LRBA: variants seen among roughly 807,000 people sequenced by gnomAD.
LRBA encodes the protein LPS responsive beige-like anchor protein, also known as lipopolysaccharide-responsive and beige-like anchor protein.
Under a neutral mutation model 330.0 loss-of-function variants are expected in LRBA, and 176 were observed. That is an observed-to-expected ratio of 0.53 (90% CI 0.47 to 0.60). The LOEUF is 0.60. LRBA is among the 20% of genes least tolerant of loss of function. The probability of loss-of-function intolerance (pLI) is 0.00; values close to 1 mark genes in which losing one functional copy is unlikely to be tolerated. For synonymous variants in LRBA, 1,230 were observed against 1,193.0 expected (o/e 1.03, Z -0.64); for missense variants, 3,259 against 3,444.8 (o/e 0.95, Z 1.35).
intron 37 of LRBA, among the ~76,000 whole-genome samples, chr4:150,666,048 C>T (rs1345155091): frequency 6.6e-6 from 1 of 152,014 alleles, no homozygotes; most frequent in Non-Finnish European, 1.5e-5. Flanking sequence ...AGATCAATGA[C>T]TGCCTAGGGG....
At position 150,893,162 on chromosome 4, in the gene LRBA, T is replaced by G. The variant is rs762747844; in HGVS notation, c.2068-13A>C. On this transcript the variant is annotated splice_polypyrimidine_tract_variant and intron_variant, in intron 16 of 56. Transcript: ENST00000651943. ...TTAGATTGTCATCCTATAATCATTT[T>G]AGAAATTTTTTTTAAAAAATGAGGA... The G allele has an allele frequency of 2.6e-6, 4 of 1,536,484 alleles. No individual in the cohort carries two copies. The highest frequency in any genetic ancestry group is 3.5e-6 in the Non-Finnish European group (4 of 1,127,856).
intron 28 of LRBA, among the ~76,000 whole-genome samples, chr4:150,839,465 T>C (rs895619978): frequency 6.6e-6 from 1 of 152,164 alleles, no homozygotes; most frequent in Non-Finnish European, 1.5e-5. Flanking sequence ...CTATTCACAA[T>C]AGCAAAGACT....
intron 2 of LRBA, among the ~76,000 whole-genome samples, chr4:150,984,759 T>G (rs1394135647): frequency 6.6e-6 from 1 of 152,132 alleles, no homozygotes; most frequent in Non-Finnish European, 1.5e-5. Flanking sequence ...CAGAGACGCA[T>G]TTGGGTTTTA....
chr4:150,518,099 C>T (rs1373830655), intron 40 of LRBA, among the ~76,000 whole-genome samples: 9 of 152,288 alleles, frequency 5.9e-5, no homozygotes, highest in Non-Finnish European at 1.3e-4. Flanking sequence ...CATTTCACTT[C>T]GAGGAATCAT....
At chr4:150,412,028 T>C (rs1431163254) in intron 47 of LRBA, among the ~76,000 whole-genome samples, 1 of 152,130 alleles carries the variant, frequency 6.6e-6, no homozygotes, top group African/African-American at 2.4e-5. Context: ...TAAGGAAACT[T>C]TGTTCATCAG....
At chr4:150,702,495 T>A (rs1190569913) in intron 36 of LRBA, among the ~76,000 whole-genome samples, 1 of 152,208 alleles carries the variant, frequency 6.6e-6, no homozygotes, top group Non-Finnish European at 1.5e-5. Flanking sequence ...TACTGCCATT[T>A]TACAACCTAT....
chr4:150,695,526 C>T (rs1309664018), intron 36 of LRBA, among the ~76,000 whole-genome samples: 1 of 152,080 alleles, frequency 6.6e-6, no homozygotes, highest in Non-Finnish European at 1.5e-5. Context: ...CAGTGTTGGC[C>T]AGGCTGGTCT....
chr4:150,265,401 ATGTTCT>A lies in LRBA; in HGVS notation c.*315_*320del, dbSNP rs773606292. Reference sequence around the variant, plus strand: ...TCTCAAGCTTGTAGATGCATGGGAAATGTTCTTCATAATATTATAGCTGGAATAAGT... The same window carrying A: ...TCTCAAGCTTGTAGATGCATGGGAAATCATAATATTATAGCTGGAATAAGT... On this transcript the variant is annotated 3_prime_UTR_variant, in exon 57 of 57. Transcript: ENST00000651943. 15 of 194,996 alleles carry A rather than the reference ATGTTCT, an allele frequency of 7.7e-5. No individual in the cohort carries two copies. The South Asian group carries it at 9.5e-4, about 12-fold the overall frequency. 12.1% of individuals were successfully genotyped at this position (194,996 alleles called of 1,614,324 possible).
At chr4:150,660,485 G>C (rs1399927046) in intron 37 of LRBA, among the ~76,000 whole-genome samples, 1 of 151,592 alleles carries the variant, frequency 6.6e-6, no homozygotes, top group Admixed American at 6.6e-5. Flanking sequence ...AGGTGGGGGG[G>C]GTCAGCCCCC....
intron 54 of LRBA, among the ~76,000 whole-genome samples, chr4:150,282,861 C>T (rs1747710707): frequency 6.6e-6 from 1 of 152,186 alleles, no homozygotes. Flanking sequence ...AGAAGCCAAA[C>T]CATGTAAGTC....
At chr4:150,473,617 G>C (rs771380942) in intron 42 of LRBA, among the ~76,000 whole-genome samples, 9 of 152,218 alleles carry the variant, frequency 5.9e-5, no homozygotes, top group Non-Finnish European at 1.2e-4. Context: ...AGGAGCTCTT[G>C]GTTCTCTGTC....
intron 46 of LRBA, among the ~76,000 whole-genome samples, chr4:150,417,396 A>G (rs1747936098): frequency 6.6e-6 from 1 of 152,146 alleles, no homozygotes; most frequent in South Asian, 2.1e-4. Context: ...TCACTTCATA[A>G]TACTTGTGCT....
chr4:150,602,946 T>C (rs1774267708), intron 37 of LRBA, among the ~76,000 whole-genome samples: 1 of 152,216 alleles, frequency 6.6e-6, no homozygotes, highest in African/African-American at 2.4e-5. Context: ...TAAGTACATA[T>C]CTAGATCACA....
At chr4:150,614,986 TGTTA>T (rs1775628734) in intron 37 of LRBA, among the ~76,000 whole-genome samples, 1 of 152,214 alleles carries the variant, frequency 6.6e-6, no homozygotes, top group Admixed American at 6.5e-5. Context: ...ATAGGGAACA[TGTTA>T]ACATCTCAAG....
chr4:150,282,682 G>GTCTGTTTTCATTC, intron 54 of LRBA, 36 bp from the exon 55 acceptor site: 1 of 1,392,048 alleles, frequency 7.2e-7, no homozygotes, highest in Non-Finnish European at 1.0e-6. Flanking sequence ...CAAAATTATT[G>GTCTGTTTTCATTC]AATGAAAACA....
intron 31 of LRBA, 123 bp from the exon 32 acceptor site, chr4:150,808,521 T>G: frequency 1.7e-6 from 1 of 586,530 alleles, no homozygotes; most frequent in Non-Finnish European, 3.0e-6. Context: ...TCCATTACTA[T>G]TTGGATAACA....
rs576342946 is a variant in LRBA at position 150,665,860 on chromosome 4, T to C, written c.5921+17691A>G. Among the ~76,000 whole-genome samples, 26 of 152,324 alleles carry C rather than the reference T, an allele frequency of 1.7e-4. No individual in the cohort carries two copies. The South Asian group carries it at 5.4e-3, about 32-fold the overall frequency. ...CACTTGAGTAAACATCTAAGAACTA[T>C]ATGAGGCCAAAACCTACGATCATTC... On this transcript the variant is annotated intron_variant, in intron 37 of 56. Coordinates refer to ENST00000651943, the MANE Select transcript of LRBA (RefSeq NM_001364905.1).
intron 39 of LRBA, among the ~76,000 whole-genome samples, 170 bp downstream of exon 39, chr4:150,590,543 T>C (rs1772683252): frequency 6.6e-6 from 1 of 151,946 alleles, no homozygotes; most frequent in South Asian, 2.1e-4. Flanking sequence ...CTGAATAGAA[T>C]AGAAAAATAA....
intron 34 of LRBA, among the ~76,000 whole-genome samples, chr4:150,792,598 C>G (rs756298558): frequency 6.6e-6 from 1 of 152,136 alleles, no homozygotes; most frequent in Non-Finnish European, 1.5e-5. Flanking sequence ...AACCTCGAAT[C>G]TTTGGGCTCA....
Sources: gnomAD v4.1 joint callset for allele counts (sites outside exome capture counted in the v4.1 genomes callset) on GRCh38, gnomAD v4.1.1 for gene constraint, MANE v1.5 for transcripts, NCBI Gene and HGNC (gene_info 2026-07-23, HGNC 2026-07-21) for gene names.